ZSCAN25: variants seen among roughly 807,000 people sequenced by gnomAD.
ZSCAN25 encodes the protein zinc finger and SCAN domain containing 25, also known as zinc finger and SCAN domain-containing protein 25.
Under a neutral mutation model 38.7 loss-of-function variants are expected in ZSCAN25, and 27 were observed. That is an observed-to-expected ratio of 0.70 (90% CI 0.51 to 0.96). ZSCAN25 has a LOEUF of 0.96. ZSCAN25 is among the 40% of genes least tolerant of loss of function. The pLI is 0.00. For synonymous variants in ZSCAN25, 273 were observed against 277.7 expected, an observed-to-expected ratio of 0.98 and a Z score of 0.17; for missense variants, 637 against 705.9, an observed-to-expected ratio of 0.90 and a Z score of 1.11.
intron 7 of ZSCAN25, 178 bp downstream of exon 7, chr7:99,624,358 C>T (rs1433056309): frequency 1.0e-5 from 7 of 680,238 alleles, no homozygotes; most frequent in Non-Finnish European, 1.7e-5. Flanking sequence ...ATAGAGGAGC[C>T]AAATGATGGA....
chr7:99,673,138 T>C, the ZSCAN25 span, among the ~76,000 whole-genome samples: 13 of 152,188 alleles, frequency 8.5e-5, no homozygotes, highest in Admixed American at 3.9e-4. Flanking sequence ...GGGCAGTTGG[T>C]GTGGGGCCCA....
the ZSCAN25 span, chr7:99,663,093 C>G: frequency 7.7e-7 from 1 of 1,295,860 alleles, no homozygotes; most frequent in Non-Finnish European, 9.9e-7. Flanking sequence ...ATCTAGCTAT[C>G]ATGTCCAATT....
chr7:99,710,591 T>G, the ZSCAN25 span: 3 of 1,472,742 alleles, frequency 2.0e-6, no homozygotes, highest in East Asian at 7.3e-5. Context: ...TTCCTTCTTT[T>G]TATTTTGAGA....
the ZSCAN25 span, chr7:99,700,123 G>C: frequency 2.3e-6 from 2 of 868,948 alleles, no homozygotes; most frequent in East Asian, 2.5e-5. Context: ...GAGCATCCCT[G>C]CCCTGCACAG....
the ZSCAN25 span, chr7:99,647,550 A>G: frequency 4.8e-5 from 47 of 985,452 alleles, 1 homozygote; most frequent in African/African-American, 6.8e-4. Flanking sequence ...TGTTCCAGAA[A>G]TGTCAGGGGA....
At chr7:99,709,231 A>G in the ZSCAN25 span, 24 of 1,613,796 alleles carry the variant, frequency 1.5e-5, no homozygotes, top group South Asian at 5.5e-5. Context: ...AGATACTCCA[A>G]CTGTAGCACA....
chr7:99,661,867 G>A, the ZSCAN25 span, among the ~76,000 whole-genome samples: 3 of 152,118 alleles, frequency 2.0e-5, no homozygotes, highest in Non-Finnish European at 4.4e-5. Context: ...ATCCACATGT[G>A]GCTATTTAAA....
rs1045251769 is a variant in ZSCAN25 at position 99,631,077 on chromosome 7, T to C, written c.*1057T>C. The stretch of plus-strand genomic sequence containing the variant: ...CCATGAATAAAATAGGGGGAGAAGC[T>C]GTTGACCTCGTAGAGCTTATGTCTC... On this transcript the variant is annotated 3_prime_UTR_variant, in exon 8 of 8. Transcript: ENST00000394152. The C allele has an allele frequency of 2.0e-6, 2 of 984,928 alleles. No individual in the cohort carries two copies. The highest frequency in any genetic ancestry group is 3.5e-5 in the African/African-American group (2 of 57,244). The allele number at this position is 984,928 out of a possible 1,614,324, so 61.0% of individuals were successfully genotyped here.
At chr7:99,638,842 A>G in the ZSCAN25 span, 1 of 659,442 alleles carries the variant, frequency 1.5e-6, no homozygotes, top group South Asian at 1.8e-5. Context: ...GCCGCTGCGA[A>G]ACTGAAACGA....
At chr7:99,692,794 G>A in the ZSCAN25 span, among the ~76,000 whole-genome samples, 1 of 152,060 alleles carries the variant, frequency 6.6e-6, no homozygotes, top group Non-Finnish European at 1.5e-5. Flanking sequence ...AGCCATTCAT[G>A]TAACCTTTTT....
chr7:99,673,640 C>T, the ZSCAN25 span, among the ~76,000 whole-genome samples: 7 of 152,186 alleles, frequency 4.6e-5, no homozygotes, highest in Admixed American at 4.6e-4. Flanking sequence ...TATCTCTCAA[C>T]CCTTCTTTCA....
the ZSCAN25 span, chr7:99,663,260 C>T: frequency 1.2e-3 from 1,185 of 1,018,894 alleles, no homozygotes; most frequent in Non-Finnish European, 1.3e-3. Context: ...CAGCAGTGTC[C>T]GTATAGATTA....
the ZSCAN25 span, chr7:99,717,344 G>A: frequency 6.2e-6 from 10 of 1,608,384 alleles, no homozygotes; most frequent in Admixed American, 1.3e-4. Flanking sequence ...GCCTGGCATG[G>A]AACAATAAGT....
the ZSCAN25 span, among the ~76,000 whole-genome samples, chr7:99,723,323 C>T: frequency 3.3e-5 from 5 of 152,318 alleles, no homozygotes; most frequent in Middle Eastern, 3.4e-3. Flanking sequence ...GACCTCGTGA[C>T]ATTCTTCTTC....
At chr7:99,695,625 A>T in the ZSCAN25 span, 1 of 818,322 alleles carries the variant, frequency 1.2e-6, no homozygotes. Context: ...TGATGCCTAT[A>T]CACTGTTTCT....
the ZSCAN25 span, among the ~76,000 whole-genome samples, chr7:99,682,594 C>T: frequency 6.0e-5 from 9 of 149,612 alleles, no homozygotes; most frequent in African/African-American, 2.0e-4. Flanking sequence ...CTGAAGGTAG[C>T]TTTCGCTATT....
the ZSCAN25 span, chr7:99,638,101 C>T: frequency 6.1e-6 from 5 of 817,682 alleles, no homozygotes; most frequent in Non-Finnish European, 9.1e-6. Context: ...CCCAAGCCCT[C>T]TCCCCCCAAA....
At chr7:99,722,265 T>C in the ZSCAN25 span, 1 of 1,613,294 alleles carries the variant, frequency 6.2e-7, no homozygotes, top group Admixed American at 1.7e-5. Flanking sequence ...TAGAAACAAG[T>C]CTATCCAATG....
At chr7:99,731,991 C>A in the ZSCAN25 span, among the ~76,000 whole-genome samples, 1 of 152,158 alleles carries the variant, frequency 6.6e-6, no homozygotes, top group African/African-American at 2.4e-5. Context: ...TGGTGATATC[C>A]ACCTGATAAG....
Sources: allele counts gnomAD v4.1 joint callset (sites outside exome capture counted in the v4.1 genomes callset), GRCh38; gene constraint gnomAD v4.1.1; transcripts MANE v1.5; gene names NCBI Gene and HGNC (gene_info 2026-07-23, HGNC 2026-07-21).